Variants in EWSR1 observed in about 807,000 individuals in gnomAD.
EWSR1 encodes the protein EWS RNA binding protein 1.
Under a neutral mutation model 92.1 loss-of-function variants are expected in EWSR1, and 14 were observed. The observed-to-expected ratio is 0.15, with a 90% CI of 0.10 to 0.24. EWSR1 has a LOEUF of 0.24. Ranked by LOEUF, EWSR1 falls within the 10% of genes least tolerant of loss-of-function variation. The pLI, the probability that EWSR1 is intolerant of heterozygous loss-of-function variation, is 1.00. For missense variants in EWSR1, 637 were observed against 870.9 expected (o/e 0.73, Z 3.38); for synonymous variants, 303 against 292.9 (o/e 1.03, Z -0.35).
rs760761489 is a variant in EWSR1, at chr22:29,292,468, T to C, written c.1046-20T>C. 16 of 1,501,176 alleles carry C rather than the reference T, an allele frequency of 1.1e-5. 1 individual carries two copies. The South Asian group carries it at 1.2e-4, about 12-fold the overall frequency. 93.0% of individuals were successfully genotyped at this position (1,501,176 alleles called of 1,614,324 possible). Reference sequence around the variant, plus strand: ...TATAGATACATGATAATAATTCTCCTGTCTTGTTGTCTCTGAAAGGCCCAC... The same window carrying C: ...TATAGATACATGATAATAATTCTCCCGTCTTGTTGTCTCTGAAAGGCCCAC... On this transcript the variant is annotated intron_variant, in intron 10 of 16. Coordinates refer to ENST00000397938, the MANE Select transcript of EWSR1 (RefSeq NM_005243.4).
intron 11 of EWSR1, among the ~76,000 whole-genome samples, chr22:29,293,624 G>A (rs535420452): frequency 6.6e-6 from 1 of 152,310 alleles, no homozygotes; most frequent in South Asian, 2.1e-4. Flanking sequence ...GAGTGCAGTG[G>A]CACGATCTCG....
At chr22:29,290,221 G>A (rs2060348083) in intron 8 of EWSR1, 2 of 537,188 alleles carry the variant, frequency 3.7e-6, no homozygotes, top group Admixed American at 3.5e-5. Context: ...CGGATCCTGT[G>A]GGGATAGACG....
At chr22:29,299,062 A>AAGAT (rs1354543829) in intron 14 of EWSR1, 167 bp downstream of exon 14, 2 of 1,392,736 alleles carry the variant, frequency 1.4e-6, no homozygotes, top group East Asian at 4.6e-5. Context: ...GAGCCTTCTG[A>AAGAT]AGATTGATTT....
chr22:29,300,201 A>ATTTT lies in EWSR1; in HGVS notation c.*43_*46dup. 1 of 1,586,210 alleles carries ATTTT rather than the reference A, an allele frequency of 6.3e-7. No homozygotes were observed. Among genetic ancestry groups the ATTTT allele is most frequent in the Non-Finnish European group, 8.6e-7 (1 of 1,161,500 alleles). ...CAGAGCTGCATTGACTACCAGATTT[A>ATTTT]TTTTTTAAACCAGAAAATGTTTTAA... On this transcript the variant is annotated 3_prime_UTR_variant, in exon 17 of 17. Coordinates refer to ENST00000397938, the MANE Select transcript of EWSR1 (RefSeq NM_005243.4).
chr22:29,272,150 C>A, intron 1 of EWSR1, 66 bp from the exon 2 acceptor site: 1 of 1,433,366 alleles, frequency 7.0e-7, no homozygotes, highest in South Asian at 1.1e-5. Context: ...GAATTCTTTC[C>A]CCCTTTTTTC....
intron 5 of EWSR1, among the ~76,000 whole-genome samples, chr22:29,281,244 ACAT>A (rs1387155197): frequency 2.0e-5 from 3 of 152,020 alleles, no homozygotes; most frequent in African/African-American, 7.2e-5. Flanking sequence ...CCAACTCCTG[ACAT>A]CATGCAATCC....
In EWSR1 at chr22:29,274,008, C is replaced by G. The variant is rs182974228; in HGVS notation, c.226+144C>G. 8,133 of 1,121,368 alleles carry G rather than the reference C, an allele frequency of 7.3e-3. 49 individuals are homozygous for G. The highest frequency in any genetic ancestry group is 0.018 in the South Asian group (1,125 of 62,056). 69.5% of individuals were successfully genotyped at this position (1,121,368 alleles called of 1,614,324 possible). On this transcript the variant is annotated intron_variant, in intron 4 of 16. Transcript: ENST00000397938. ...TTATTCTTAGGAAGAGGTATTTTTT[C>G]TCTTTCTTCCCTACTCTTATAGTCT...
At chr22:29,274,582 T>C (rs1000452916) in intron 4 of EWSR1, 1 of 382,138 alleles carries the variant, frequency 2.6e-6, no homozygotes, top group East Asian at 3.9e-5. Context: ...CCCTGTTCCC[T>C]GAAGGATAGA....
intron 4 of EWSR1, 178 bp from the exon 5 acceptor site, chr22:29,277,852 T>C (rs1032123591): frequency 3.5e-6 from 2 of 576,592 alleles, no homozygotes; most frequent in Admixed American, 3.3e-5. Context: ...CTAGGTACAT[T>C]CAGAGAACTT....
chr22:29,281,985 T>C (rs2059644040), intron 5 of EWSR1, among the ~76,000 whole-genome samples: 1 of 152,238 alleles, frequency 6.6e-6, no homozygotes, highest in Non-Finnish European at 1.5e-5. Flanking sequence ...AACCTAAAAC[T>C]TAACATTATT....
At chr22:29,298,219 A>G (rs2147794655) in intron 13 of EWSR1, among the ~76,000 whole-genome samples, 1 of 152,250 alleles carries the variant, frequency 6.6e-6, no homozygotes, top group East Asian at 1.9e-4. Flanking sequence ...GAATTGTGGG[A>G]GTTCAGCCAG....
intron 6 of EWSR1, among the ~76,000 whole-genome samples, chr22:29,284,205 A>G (rs2059842927): frequency 6.6e-6 from 1 of 150,840 alleles, no homozygotes; most frequent in Non-Finnish European, 1.5e-5. Flanking sequence ...CCTGGCCTCA[A>G]GTGATCCGCC....
intron 3 of EWSR1, 38 bp downstream of exon 3, chr22:29,272,469 A>G: frequency 6.4e-7 from 1 of 1,559,752 alleles, no homozygotes; most frequent in Non-Finnish European, 8.8e-7. Flanking sequence ...TGCACCTCCA[A>G]GTAAAATCAG....
At chr22:29,285,353 C>T (rs2059947362) in intron 6 of EWSR1, among the ~76,000 whole-genome samples, 1 of 150,978 alleles carries the variant, frequency 6.6e-6, no homozygotes. Flanking sequence ...AACTCCTGAC[C>T]TCAGGTGATC....
intron 6 of EWSR1, 110 bp from the exon 7 acceptor site, chr22:29,286,813 T>G: frequency 1.4e-6 from 1 of 737,546 alleles, no homozygotes; most frequent in Non-Finnish European, 2.3e-6. Context: ...AACTACTGTT[T>G]TATGGATGTC....
chr22:29,291,643 GCAGT>G (rs2060449428), intron 9 of EWSR1, 44 bp downstream of exon 9: 5 of 1,549,252 alleles, frequency 3.2e-6, no homozygotes, highest in Non-Finnish European at 4.4e-6. Context: ...AAAAAAAAAT[GCAGT>G]CAGTTTTTAG....
At chr22:29,283,087 A>G (rs543851340) in intron 6 of EWSR1, among the ~76,000 whole-genome samples, 1 of 152,280 alleles carries the variant, frequency 6.6e-6, no homozygotes, top group South Asian at 2.1e-4. Flanking sequence ...CTTTCTAAAT[A>G]CAAAAACATT....
At chr22:29,274,880 C>T (rs1399238960) in intron 4 of EWSR1, among the ~76,000 whole-genome samples, 2 of 152,170 alleles carry the variant, frequency 1.3e-5, no homozygotes, top group Non-Finnish European at 2.9e-5. Flanking sequence ...TTCAGGCTGT[C>T]TCCCCCTGCC....
At chr22:29,292,689 G>T in intron 11 of EWSR1, 83 bp downstream of exon 11, 5 of 797,154 alleles carry the variant, frequency 6.3e-6, no homozygotes, top group South Asian at 4.4e-5. Context: ...GTTGAGAGTT[G>T]TTTTCTAAGG....
Sources: allele counts gnomAD v4.1 joint callset (sites outside exome capture counted in the v4.1 genomes callset), GRCh38; gene constraint gnomAD v4.1.1; transcripts MANE v1.5; gene names NCBI Gene and HGNC (gene_info 2026-07-23, HGNC 2026-07-21).